Variants in DISP1 observed in about 807,000 individuals in gnomAD.
The protein encoded by DISP1 is protein dispatched homolog 1.
Under a neutral mutation model 37.3 loss-of-function variants are expected in DISP1, and 30 were observed. The observed-to-expected ratio is 0.80, with a 90% CI of 0.60 to 1.09. DISP1 has a LOEUF of 1.09. Among genes scored for constraint, DISP1 ranks in the 50% least tolerant of loss-of-function variants. The pLI, the probability that DISP1 is intolerant of heterozygous loss-of-function variation, is 0.00. For synonymous variants in DISP1, 634 were observed against 690.2 expected, an observed-to-expected ratio of 0.92 and a Z score of 1.28; for missense variants, 1,598 against 1,879.5, an observed-to-expected ratio of 0.85 and a Z score of 2.77.
At chr1:222,877,079 T>A (rs1054940901) in intron 1 of DISP1, among the ~76,000 whole-genome samples, 2 of 152,214 alleles carry the variant, frequency 1.3e-5, no homozygotes, top group African/African-American at 4.8e-5. Flanking sequence ...TCTCTGCTTC[T>A]TCGTGATTCT....
intron 1 of DISP1, among the ~76,000 whole-genome samples, chr1:222,824,734 A>G (rs1179268132): frequency 6.6e-6 from 1 of 152,208 alleles, no homozygotes; most frequent in Non-Finnish European, 1.5e-5. Context: ...GAGAGGTGGC[A>G]GTTAATGGTG....
chr1:222,848,229 C>T (rs1668029162), intron 1 of DISP1, among the ~76,000 whole-genome samples: 1 of 151,942 alleles, frequency 6.6e-6, no homozygotes, highest in Admixed American at 6.6e-5. Flanking sequence ...AAATTGCATG[C>T]CCGATAGTGG....
intron 1 of DISP1, among the ~76,000 whole-genome samples, chr1:222,837,851 T>C (rs1337946511): frequency 6.6e-6 from 1 of 152,204 alleles, no homozygotes; most frequent in African/African-American, 2.4e-5. Context: ...TACTTAATGT[T>C]ATAAAACGTT....
At chr1:222,892,116 A>C (rs1314944164) in intron 1 of DISP1, among the ~76,000 whole-genome samples, 7 of 152,180 alleles carry the variant, frequency 4.6e-5, no homozygotes, top group African/African-American at 1.4e-4. Context: ...CTAGATTCCC[A>C]AATGCTGAAA....
chr1:222,838,543 A>G (rs1667389684), intron 1 of DISP1, among the ~76,000 whole-genome samples: 1 of 152,050 alleles, frequency 6.6e-6, no homozygotes, highest in South Asian at 2.1e-4. Context: ...CCCAGGTAGA[A>G]GGATCATTTG....
chr1:222,870,278 G>A (rs1218813090), intron 1 of DISP1, among the ~76,000 whole-genome samples: 3 of 152,182 alleles, frequency 2.0e-5, no homozygotes, highest in Non-Finnish European at 4.4e-5. Context: ...ATAGCAGCAT[G>A]ATTTATAATC....
At chr1:222,879,944 C>CT (rs1477757909) in intron 1 of DISP1, among the ~76,000 whole-genome samples, 2 of 151,702 alleles carry the variant, frequency 1.3e-5, no homozygotes, top group African/African-American at 4.8e-5. Context: ...AAAGAAAAAA[C>CT]TTTATGTTTG....
intron 1 of DISP1, among the ~76,000 whole-genome samples, chr1:222,833,307 G>C (rs747855592): frequency 2.0e-5 from 3 of 152,024 alleles, no homozygotes; most frequent in Admixed American, 6.6e-5. Context: ...CAAAAGTGTG[G>C]GTATTATTAA....
chr1:222,848,877 G>A (rs1668069876), intron 1 of DISP1, among the ~76,000 whole-genome samples: 1 of 152,120 alleles, frequency 6.6e-6, no homozygotes, highest in African/African-American at 2.4e-5. Context: ...ATATGGGGAT[G>A]GGATGAGAAT....
At chr1:222,870,024 A>G (rs375966911) in intron 1 of DISP1, among the ~76,000 whole-genome samples, 17 of 152,062 alleles carry the variant, frequency 1.1e-4, no homozygotes, top group Non-Finnish European at 2.1e-4. Flanking sequence ...CCACCTATGA[A>G]TGAGAACATG....
At chr1:222,875,235 C>A (rs945277869) in intron 1 of DISP1, among the ~76,000 whole-genome samples, 11 of 151,904 alleles carry the variant, frequency 7.2e-5, no homozygotes, top group African/African-American at 2.7e-4. Flanking sequence ...ATCACTTGAA[C>A]CCAGGAGGCG....
intron 1 of DISP1, among the ~76,000 whole-genome samples, chr1:222,861,393 A>G (rs1282288513): frequency 6.6e-6 from 1 of 152,054 alleles, no homozygotes; most frequent in African/African-American, 2.4e-5. Context: ...GAAGTCGGGG[A>G]TTGTTGGTTT....
At chr1:222,874,386 A>T (rs1277858530) in intron 1 of DISP1, among the ~76,000 whole-genome samples, 2 of 151,740 alleles carry the variant, frequency 1.3e-5, no homozygotes, top group African/African-American at 4.8e-5. Flanking sequence ...ACTTGGTTCC[A>T]TTCTCCCCAT....
At chr1:222,951,366 CAAA>C (rs11296425) in intron 3 of DISP1, among the ~76,000 whole-genome samples, 1 of 145,548 alleles carries the variant, frequency 6.9e-6, no homozygotes. Context: ...TCTTTTAAAA[CAAA>C]AAAAAAAAAG....
intron 7 of DISP1, among the ~76,000 whole-genome samples, chr1:222,992,466 T>G (rs1400588947): frequency 6.6e-6 from 1 of 152,232 alleles, no homozygotes; most frequent in Admixed American, 6.5e-5. Flanking sequence ...ATTTTTGCAT[T>G]GAACCTTGAA....
chr1:222,923,719 G>C (rs114320079), intron 1 of DISP1, among the ~76,000 whole-genome samples: 1 of 152,110 alleles, frequency 6.6e-6, no homozygotes, highest in Non-Finnish European at 1.5e-5. Flanking sequence ...AATCACAGCC[G>C]CATTATAAGC....
chr1:223,002,709 A>T lies in DISP1; in HGVS notation c.1312A>T (p.Thr438Ser). 1 of 1,614,044 alleles carries T rather than the reference A, an allele frequency of 6.2e-7. No homozygotes were observed. The highest frequency in any genetic ancestry group is 8.5e-7 in the Non-Finnish European group (1 of 1,180,024). The change falls in exon 9 of 9, where the codon ACC (threonine) becomes TCC (serine). Residue 438 changes from threonine to serine, a missense_variant. Thr to Ser is a moderately conservative substitution (Grantham distance 58, BLOSUM62 1). Coordinates refer to ENST00000675850, the MANE Select transcript of DISP1 (RefSeq NM_001377229.1). ...TTACTTGGTGGACAAAGACTTTATG[A>T]CCCCAAAGACGGCTGACTATGCCAC... ...LHYLVDKDFM[T>S]PKTADYATPA... is the part of the protein sequence containing the mutation.
At position 223,004,356 on chromosome 1, in the gene DISP1, G is replaced by A; in HGVS notation, c.2959G>A (p.Ala987Thr). The A allele has an allele frequency of 6.2e-7, 1 of 1,614,230 alleles. No homozygotes were observed. The highest frequency in any genetic ancestry group is 1.1e-5 in the South Asian group (1 of 91,088). Residue 987 changes from alanine to threonine, a missense_variant, in exon 9 of 9, where the codon GCC (alanine) becomes ACC (threonine). Transcript: ENST00000675850. The surrounding 1 kb of genome is among the most constrained non-coding windows in gnomAD (Gnocchi z 4.9). ...QDSLSDGTLI[A>T]MGLSVAVAFS... ...TAGCCTCTCCGATGGCACCCTCATT[G>A]CCATGGGGCTGTCAGTTGCTGTTGC...
chr1:222,980,903 C>T (rs578246134), intron 3 of DISP1, among the ~76,000 whole-genome samples: 31 of 152,298 alleles, frequency 2.0e-4, no homozygotes, highest in Non-Finnish European at 4.0e-4. Flanking sequence ...CATGGTGAAA[C>T]CCCATCTCTA....
Sources: gnomAD v4.1 joint callset for allele counts (sites outside exome capture counted in the v4.1 genomes callset) on GRCh38, gnomAD v4.1.1 for gene constraint, Gnocchi (gnomAD v3.1) non-coding constraint, MANE v1.5 for transcripts, NCBI Gene and HGNC (gene_info 2026-07-23, HGNC 2026-07-21) for gene names.